MAP3K5: variants seen among roughly 807,000 people sequenced by gnomAD.
MAP3K5 encodes ASK-1.
In MAP3K5, 56 loss-of-function variants were observed where a neutral mutation model predicts 158.7. The ratio of observed to expected loss-of-function variants is 0.35; its 90% confidence interval spans 0.28 to 0.44. The LOEUF is 0.44. Among genes scored for constraint, MAP3K5 ranks in the 20% least tolerant of loss-of-function variants. The probability of loss-of-function intolerance (pLI) is 1.00; values close to 1 mark genes in which losing one functional copy is unlikely to be tolerated. For synonymous variants in MAP3K5, 579 were observed against 601.7 expected (o/e 0.96, Z 0.55); for missense variants, 1,294 against 1,674.8 (o/e 0.77, Z 3.97).
At position 136,583,579 on chromosome 6, in the gene MAP3K5, C is replaced by G; in HGVS notation, c.3387G>C (p.Val1129=). The G allele has an allele frequency of 1.2e-6, 2 of 1,614,060 alleles. No homozygotes were observed. Among genetic ancestry groups the G allele is most frequent in the Non-Finnish European group, 1.7e-6 (2 of 1,179,954 alleles). The change falls in exon 24 of 30, where the codon GTG becomes GTC. Residue 1129 remains valine (V), a synonymous_variant. Coordinates refer to ENST00000359015, the MANE Select transcript of MAP3K5 (RefSeq NM_005923.4). ...FDSHGISQVQ[V]VLFGFQDAVN... ...CAGCATCTTGAAAACCAAAGAGTAC[C>G]ACCTGGACTTGGCTAATGCCATGGC...
At chr6:136,668,065 C>G (rs1779305641) in intron 8 of MAP3K5, among the ~76,000 whole-genome samples, 2 of 152,118 alleles carry the variant, frequency 1.3e-5, no homozygotes, top group Admixed American at 1.3e-4. Flanking sequence ...GGATTCATTT[C>G]TCTTTAAGAA....
intron 7 of MAP3K5, among the ~76,000 whole-genome samples, chr6:136,692,921 A>T (rs1780449729): frequency 6.6e-6 from 1 of 152,094 alleles, no homozygotes; most frequent in Admixed American, 6.5e-5. Flanking sequence ...GCACCACTAC[A>T]CTACAGCCTG....
At chr6:136,668,912 A>G (rs80227178) in intron 8 of MAP3K5, among the ~76,000 whole-genome samples, 1,927 of 150,848 alleles carry the variant, frequency 0.013, 28 homozygotes, top group African/African-American at 0.045. Flanking sequence ...GAGGTTTTTG[A>G]AAAAAAAGCA....
At chr6:136,595,265 G>T (rs931217882) in intron 21 of MAP3K5, among the ~76,000 whole-genome samples, 1 of 152,164 alleles carries the variant, frequency 6.6e-6, no homozygotes, top group Non-Finnish European at 1.5e-5. Flanking sequence ...TTACAGGCAT[G>T]TGCCACCACC....
chr6:136,586,859 C>T (rs1417140869), intron 23 of MAP3K5, among the ~76,000 whole-genome samples: 1 of 152,186 alleles, frequency 6.6e-6, no homozygotes, highest in Non-Finnish European at 1.5e-5. Context: ...GCTTCCCAGC[C>T]TACATCTTTC....
At chr6:136,607,896 T>G (rs1289087253) in intron 18 of MAP3K5, among the ~76,000 whole-genome samples, 2 of 152,166 alleles carry the variant, frequency 1.3e-5, no homozygotes, top group Non-Finnish European at 2.9e-5. Flanking sequence ...TTATACAGCA[T>G]GTTAGAAAGT....
chr6:136,673,256 C>T (rs1779561953), intron 7 of MAP3K5, among the ~76,000 whole-genome samples: 1 of 152,108 alleles, frequency 6.6e-6, no homozygotes, highest in Admixed American at 6.6e-5. Context: ...AAGTAATCAG[C>T]TTCTTACCCT....
chr6:136,640,763 T>A (rs1470657448), intron 12 of MAP3K5, among the ~76,000 whole-genome samples: 2 of 152,208 alleles, frequency 1.3e-5, no homozygotes, highest in African/African-American at 4.8e-5. Flanking sequence ...GCCCACTAAC[T>A]CGAGCTGTGC....
intron 9 of MAP3K5, among the ~76,000 whole-genome samples, chr6:136,658,210 A>G (rs1007649378): frequency 6.6e-5 from 10 of 152,070 alleles, no homozygotes; most frequent in South Asian, 2.1e-4. Context: ...GGCTTCCACT[A>G]TATCATGGTT....
rs1260730451 is a variant in MAP3K5, at chr6:136,557,304, T to C, written c.*454A>G. 1 of 154,132 alleles carries C rather than the reference T, an allele frequency of 6.5e-6. No individual in the cohort carries two copies. The highest frequency in any genetic ancestry group is 6.5e-5 in the Admixed American group (1 of 15,388). The allele number at this position is 154,132 out of a possible 1,614,324, so 9.5% of individuals were successfully genotyped here. On this transcript the variant is annotated 3_prime_UTR_variant, in exon 30 of 30. Coordinates refer to ENST00000359015, the MANE Select transcript of MAP3K5 (RefSeq NM_005923.4). ...CATAAACTTTATACAGTAATTGAAATTACGCATTTCTACTCAGATTATTAG... is the reference window on the plus strand; with the variant it reads ...CATAAACTTTATACAGTAATTGAAACTACGCATTTCTACTCAGATTATTAG...
intron 1 of MAP3K5, among the ~76,000 whole-genome samples, chr6:136,786,057 A>T (rs1175754749): frequency 6.6e-6 from 1 of 152,148 alleles, no homozygotes; most frequent in Non-Finnish European, 1.5e-5. Context: ...AAAACAAGAG[A>T]ATAGCAGCAT....
At chr6:136,777,779 GGTTT>G (rs756522223) in intron 1 of MAP3K5, among the ~76,000 whole-genome samples, 2 of 147,684 alleles carry the variant, frequency 1.4e-5, no homozygotes, top group Non-Finnish European at 3.0e-5. Flanking sequence ...AAAGGAACCT[GGTTT>G]GTTTATTTTC....
intron 15 of MAP3K5, among the ~76,000 whole-genome samples, chr6:136,618,293 T>A (rs1776652762): frequency 6.6e-6 from 1 of 152,268 alleles, no homozygotes; most frequent in Non-Finnish European, 1.5e-5. Flanking sequence ...AACAACTTTG[T>A]TTGCTGTATC....
At chr6:136,772,769 C>T (rs986388277) in intron 1 of MAP3K5, among the ~76,000 whole-genome samples, 2 of 152,168 alleles carry the variant, frequency 1.3e-5, no homozygotes, top group Non-Finnish European at 2.9e-5. Context: ...ATGCAGCCAG[C>T]ATTATGAGCA....
chr6:136,734,208 C>G (rs942575935), intron 1 of MAP3K5, among the ~76,000 whole-genome samples: 3 of 151,974 alleles, frequency 2.0e-5, no homozygotes, highest in Non-Finnish European at 4.4e-5. Context: ...TACCTGAGGT[C>G]AGGAGTTCGA....
At chr6:136,598,834 T>C (rs1775746127) in intron 21 of MAP3K5, among the ~76,000 whole-genome samples, 4 of 152,114 alleles carry the variant, frequency 2.6e-5, no homozygotes, top group Non-Finnish European at 4.4e-5. Flanking sequence ...GGTCATTGTT[T>C]CAATTGACAT....
chr6:136,772,530 A>G (rs996125607), intron 1 of MAP3K5, among the ~76,000 whole-genome samples: 4 of 152,144 alleles, frequency 2.6e-5, no homozygotes, highest in African/African-American at 9.7e-5. Context: ...AAAATGAATG[A>G]ATGCACATAC....
intron 11 of MAP3K5, among the ~76,000 whole-genome samples, chr6:136,645,701 C>G (rs1778220327): frequency 6.6e-6 from 1 of 152,096 alleles, no homozygotes; most frequent in South Asian, 2.1e-4. Context: ...TAATTTTACC[C>G]CTGAATGTAG....
chr6:136,585,473 CTTTATTTATTTATTTATTTA>C lies in MAP3K5; in HGVS notation c.3226-1753_3226-1734del, dbSNP rs554195273. On this transcript the variant is annotated intron_variant, in intron 23 of 29. Coordinates refer to ENST00000359015, the MANE Select transcript of MAP3K5 (RefSeq NM_005923.4). ...CATATTGCTTCCTTTCTTTTCTTTT[CTTTATTTATTTATTTATTTA>C]TTTATTTATTTATTTATTTATTTTT... 4.4e-5 allele frequency among the ~76,000 whole-genome samples: 6 copies of C among 135,146 alleles called. 1 individual carries two copies. Among genetic ancestry groups the C allele is most frequent in the African/African-American group, 8.2e-5 (3 of 36,776 alleles). The allele number at this position is 135,146 out of a possible 152,430, so 88.7% of individuals were successfully genotyped here.
Sources: allele counts gnomAD v4.1 joint callset (sites outside exome capture counted in the v4.1 genomes callset), GRCh38; gene constraint gnomAD v4.1.1; transcripts MANE v1.5; gene names NCBI Gene and HGNC (gene_info 2026-07-23, HGNC 2026-07-21).